The following IGF2BP2 variants were observed in gnomAD, a reference collection of about 807,000 sequenced individuals.
The protein encoded by IGF2BP2 is insulin-like growth factor 2 mRNA-binding protein 2.
Under a neutral mutation model 75.8 loss-of-function variants are expected in IGF2BP2, and 17 were observed. The observed-to-expected ratio is 0.22, with a 90% CI of 0.15 to 0.34. The LOEUF (loss-of-function observed/expected upper bound fraction) is 0.34. Among genes scored for constraint, IGF2BP2 ranks in the 10% least tolerant of loss-of-function variants. The pLI is 1.00. For missense variants in IGF2BP2, 516 were observed against 772.4 expected (o/e 0.67, Z 3.93); for synonymous variants, 288 against 295.6 (o/e 0.97, Z 0.26).
chr3:185,734,363 G>A (rs1397614068), intron 2 of IGF2BP2, among the ~76,000 whole-genome samples: 1 of 152,222 alleles, frequency 6.6e-6, no homozygotes, highest in African/African-American at 2.4e-5. Context: ...CATAATGCTA[G>A]AGCCCAAATG....
chr3:185,742,215 C>T (rs182210682), intron 2 of IGF2BP2, among the ~76,000 whole-genome samples: 5,302 of 151,048 alleles, frequency 0.035, 131 homozygotes, highest in Non-Finnish European at 0.052. Flanking sequence ...ATTAGCCGGC[C>T]AGGCACAGTG....
intron 2 of IGF2BP2, among the ~76,000 whole-genome samples, chr3:185,796,805 T>G (rs1338388027): frequency 6.6e-6 from 1 of 152,162 alleles, no homozygotes; most frequent in Admixed American, 6.5e-5. Flanking sequence ...AAACTATCAA[T>G]GCACACTGGG....
At chr3:185,658,870 A>C (rs1181093045) in intron 10 of IGF2BP2, among the ~76,000 whole-genome samples, 1 of 152,198 alleles carries the variant, frequency 6.6e-6, no homozygotes, top group Non-Finnish European at 1.5e-5. Context: ...CAGAACAAGC[A>C]AATGTGTTCC....
chr3:185,807,104 TAACA>T (rs1739126560), intron 2 of IGF2BP2, among the ~76,000 whole-genome samples: 2 of 151,990 alleles, frequency 1.3e-5, no homozygotes, highest in Non-Finnish European at 2.9e-5. Context: ...GGCAGAAAAG[TAACA>T]AACAACTTTA....
At chr3:185,706,405 T>C (rs533225516) in intron 2 of IGF2BP2, among the ~76,000 whole-genome samples, 1 of 152,162 alleles carries the variant, frequency 6.6e-6, no homozygotes, top group South Asian at 2.1e-4. Flanking sequence ...TGAGACCCTC[T>C]CTCTCTAGCA....
intron 2 of IGF2BP2, among the ~76,000 whole-genome samples, chr3:185,707,903 C>CT (rs2149402015): frequency 6.6e-6 from 1 of 152,332 alleles, no homozygotes; most frequent in South Asian, 2.1e-4. Flanking sequence ...ACTAGAACTT[C>CT]TCCAAGGGCT....
chr3:185,652,652 T>C (rs974120060), intron 12 of IGF2BP2, among the ~76,000 whole-genome samples: 2 of 152,294 alleles, frequency 1.3e-5, no homozygotes, highest in South Asian at 2.1e-4. Context: ...GAAGTGACAA[T>C]TGAGTTAGAG....
intron 2 of IGF2BP2, among the ~76,000 whole-genome samples, chr3:185,780,316 T>C (rs957914905): frequency 6.6e-6 from 1 of 152,160 alleles, no homozygotes; most frequent in Non-Finnish European, 1.5e-5. Flanking sequence ...TGATGTTCTA[T>C]TTGCTTATTA....
At chr3:185,705,519 A>G (rs1288953268) in intron 2 of IGF2BP2, among the ~76,000 whole-genome samples, 3 of 152,206 alleles carry the variant, frequency 2.0e-5, no homozygotes, top group Non-Finnish European at 4.4e-5. Flanking sequence ...TTCCTGGGCA[A>G]TTCAGAGACA....
chr3:185,658,070 C>G (rs1715738571), intron 11 of IGF2BP2, among the ~76,000 whole-genome samples: 1 of 152,214 alleles, frequency 6.6e-6, no homozygotes, highest in Non-Finnish European at 1.5e-5. Flanking sequence ...ATCTGGCCTT[C>G]TGCTTGCCCA....
At chr3:185,820,235 TACACACACACACACAC>T (rs202064714) in intron 2 of IGF2BP2, among the ~76,000 whole-genome samples, 3,979 of 102,788 alleles carry the variant, frequency 0.039, 191 homozygotes, top group African/African-American at 0.14. Context: ...TATATACACA[TACACACACACACACAC>T]ACACACACAC....
intron 2 of IGF2BP2, among the ~76,000 whole-genome samples, chr3:185,734,613 A>G (rs922237737): frequency 6.6e-5 from 10 of 152,214 alleles, no homozygotes; most frequent in African/African-American, 2.4e-4. Context: ...TAGGTTTCCA[A>G]TGAAGTGAGA....
intron 2 of IGF2BP2, among the ~76,000 whole-genome samples, chr3:185,814,954 T>C (rs1740406201): frequency 6.6e-6 from 1 of 152,176 alleles, no homozygotes; most frequent in South Asian, 2.1e-4. Context: ...GACACAGATA[T>C]TTTTAAAAAT....
chr3:185,740,884 CTTAT>C (rs1054810375), intron 2 of IGF2BP2, among the ~76,000 whole-genome samples: 2 of 152,070 alleles, frequency 1.3e-5, no homozygotes, highest in Non-Finnish European at 2.9e-5. Context: ...TTTTATTTTA[CTTAT>C]TTATTTTGAG....
intron 2 of IGF2BP2, among the ~76,000 whole-genome samples, chr3:185,699,141 T>A (rs1351793465): frequency 6.6e-6 from 1 of 152,130 alleles, no homozygotes; most frequent in Non-Finnish European, 1.5e-5. Flanking sequence ...GGTTTTCAAT[T>A]ACTTTGGAAA....
chr3:185,747,821 T>C (rs201118773), intron 2 of IGF2BP2, among the ~76,000 whole-genome samples: 7 of 72,504 alleles, frequency 9.7e-5, no homozygotes, highest in African/African-American at 1.7e-4. Flanking sequence ...ATATTTTATT[T>C]TATTTTATTC....
At chr3:185,646,861 C>T in intron 15 of IGF2BP2, 164 bp downstream of exon 15, 1 of 626,722 alleles carries the variant, frequency 1.6e-6, no homozygotes, top group Non-Finnish European at 2.9e-6. Flanking sequence ...ACAATGTCCC[C>T]TGCCCCGGGG....
chr3:185,707,294 G>GTTT (rs1724170140), intron 2 of IGF2BP2, among the ~76,000 whole-genome samples: 2 of 101,670 alleles, frequency 2.0e-5, no homozygotes, highest in African/African-American at 4.2e-5. Flanking sequence ...TAACGAAGGG[G>GTTT]CTTTTTTTTT....
chr3:185,677,227 C>A (rs1719696157), intron 7 of IGF2BP2, among the ~76,000 whole-genome samples: 1 of 151,486 alleles, frequency 6.6e-6, no homozygotes, highest in African/African-American at 2.4e-5. Context: ...TCCTTTGGGA[C>A]AGAAACAAAG....
Sources: gnomAD v4.1 joint callset for allele counts (sites outside exome capture counted in the v4.1 genomes callset) on GRCh38, gnomAD v4.1.1 for gene constraint, MANE v1.5 for transcripts, NCBI Gene and HGNC (gene_info 2026-07-23, HGNC 2026-07-21) for gene names.